Variants in NRXN2 observed in about 807,000 individuals in gnomAD.
NRXN2 encodes neurexin-2-beta.
Under a neutral mutation model 128.8 loss-of-function variants are expected in NRXN2, and 29 were observed. That is an observed-to-expected ratio of 0.23 (90% CI 0.17 to 0.31). The LOEUF (loss-of-function observed/expected upper bound fraction) is 0.31. Ranked by LOEUF, NRXN2 falls within the 10% of genes least tolerant of loss-of-function variation. NRXN2 has a pLI of 1.00. For missense variants in NRXN2, 1,881 were observed against 2,452.6 expected (o/e 0.77, Z 4.92); for synonymous variants, 1,098 against 1,075.2 (o/e 1.02, Z -0.41).
Position 64,668,476 on chromosome 11 carries a change from G to A in NRXN2, c.1326C>T (p.Pro442=), listed in dbSNP as rs199933030. ...SPNTADLPGS[P]VSNNFMGCLK... ...GGCAGCCCATGAAGTTGTTGCTGAC[G>A]GGCGAGCCCGGCAGGTCAGCTGTGT... Residue 442 remains proline, a synonymous_variant, in exon 8 of 23, where the codon CCC becomes CCT. Coordinates refer to ENST00000265459, the MANE Select transcript of NRXN2 (RefSeq NM_015080.4). The A allele has an allele frequency of 1.5e-5, 24 of 1,614,038 alleles. No homozygotes were observed. The highest frequency in any genetic ancestry group is 1.2e-4 in the Admixed American group (7 of 60,016).
chr11:64,688,620 C>T (rs953236003), intron 5 of NRXN2: 12 of 985,306 alleles, frequency 1.2e-5, no homozygotes, highest in Non-Finnish European at 1.4e-5. Context: ...GGAACTACAA[C>T]TCCCAGCAGC....
rs1357894988 is a variant in NRXN2 at position 64,661,910 on chromosome 11, G to A, written c.1799-771C>T. Among the ~76,000 whole-genome samples, 3 of 152,162 alleles carry A rather than the reference G, an allele frequency of 2.0e-5. No individual in the cohort carries two copies. The East Asian group carries it at 5.8e-4, about 29-fold the overall frequency. Reference sequence around the variant, plus strand: ...GCCTGCGGGGCAGGACAGCAGTGAGGAGAAAGGAGGTAGGCACAGAATTTT... The same window carrying A: ...GCCTGCGGGGCAGGACAGCAGTGAGAAGAAAGGAGGTAGGCACAGAATTTT... On this transcript the variant is annotated intron_variant, in intron 9 of 22. Transcript: ENST00000265459.
At chr11:64,615,967 T>C (rs2041443290) in intron 22 of NRXN2, among the ~76,000 whole-genome samples, 1 of 152,082 alleles carries the variant, frequency 6.6e-6, no homozygotes, top group South Asian at 2.1e-4. Flanking sequence ...CCAGTATGCA[T>C]GTTTCAGCAG....
In NRXN2 at chr11:64,660,257, T is replaced by C. The variant is rs534376543; in HGVS notation, c.2389+75A>G. Reference sequence around the variant, plus strand: ...CCTCTTGCTGGTGCCACCACCAGCTTCTCCAGACAGAGGCAGGTGTGGGTC... The same window carrying C: ...CCTCTTGCTGGTGCCACCACCAGCTCCTCCAGACAGAGGCAGGTGTGGGTC... On this transcript the variant is annotated intron_variant, in intron 11 of 22. Transcript: ENST00000265459. This position sits in a 1 kb window ranked among gnomAD's most constrained non-coding sequence, Gnocchi z 5.2. 1.1e-5 allele frequency: 17 copies of C among 1,535,424 alleles called. No individual in the cohort carries two copies. Among genetic ancestry groups the C allele is most frequent in the Non-Finnish European group, 1.4e-5 (16 of 1,110,540 alleles).
In NRXN2 at chr11:64,660,887, G is replaced by C. The variant is rs764691572; in HGVS notation, c.2051C>G (p.Pro684Arg). The C allele has an allele frequency of 1.2e-6, 2 of 1,613,508 alleles. No individual in the cohort carries two copies. Among genetic ancestry groups the C allele is most frequent in the Non-Finnish European group, 1.7e-6 (2 of 1,179,716 alleles). The part of the protein sequence containing the change: ...AEAQGAVGVA[P>R]FCSRETLKQC... ...CTTCAGCGTCTCCCGGGAGCAAAAG[G>C]GGGCAACGCCCACAGCCCCCTGAGC... Residue 684 changes from proline to arginine, a missense_variant, in exon 10 of 23, where the codon CCC becomes CGC. Transcript: ENST00000265459. This position sits in a 1 kb window ranked among gnomAD's most constrained non-coding sequence, Gnocchi z 5.2.
chr11:64,677,870 G>A (rs974224176), intron 6 of NRXN2, among the ~76,000 whole-genome samples: 1 of 152,212 alleles, frequency 6.6e-6, no homozygotes, highest in Non-Finnish European at 1.5e-5. Context: ...CGGGTTAATG[G>A]ATTAACCAGT....
intron 2 of NRXN2, among the ~76,000 whole-genome samples, chr11:64,703,228 C>A (rs2055756871): frequency 6.6e-6 from 1 of 152,168 alleles, no homozygotes; most frequent in South Asian, 2.1e-4. Context: ...CAGCTGCTTA[C>A]ATGGCTCCTG....
chr11:64,698,527 T>C (rs770685410), intron 2 of NRXN2, among the ~76,000 whole-genome samples: 2 of 152,226 alleles, frequency 1.3e-5, no homozygotes, highest in Non-Finnish European at 2.9e-5. Context: ...TGAGGCCTCT[T>C]CTGACTCTGA....
Position 64,690,451 on chromosome 11 carries a change from C to T in NRXN2, c.804G>A (p.Gly268=). ...SEVGSLLFSE[G]GAGRGGAGDV... is the part of the protein sequence containing the mutation. Reference sequence around the variant, plus strand: ...CGCCGGCTCCTCCTCTCCCGGCCCCCCCCTCGGAGAACAGTAAGGACCCTA... The same window carrying T: ...CGCCGGCTCCTCCTCTCCCGGCCCCTCCCTCGGAGAACAGTAAGGACCCTA... The change falls in exon 5 of 23, where the codon GGG becomes GGA. Residue 268 remains glycine (G), a synonymous_variant. Transcript: ENST00000265459. The T allele has an allele frequency of 6.2e-7, 1 of 1,613,692 alleles. No individual in the cohort carries two copies. Among genetic ancestry groups the T allele is most frequent in the Non-Finnish European group, 8.5e-7 (1 of 1,179,932 alleles).
intron 3 of NRXN2, among the ~76,000 whole-genome samples, chr11:64,693,247 G>A (rs1345923605): frequency 3.5e-5 from 5 of 142,532 alleles, no homozygotes; most frequent in Non-Finnish European, 6.1e-5. Flanking sequence ...CTTCTTGCCG[G>A]AAAAAAAAAA....
At chr11:64,643,847 AAG>A (rs1326621134) in intron 17 of NRXN2, among the ~76,000 whole-genome samples, 4 of 151,980 alleles carry the variant, frequency 2.6e-5, no homozygotes, top group Non-Finnish European at 4.4e-5. Context: ...TGAGGCTAGC[AAG>A]AGAGGCCACT....
chr11:64,657,869 G>C (rs12417133), intron 11 of NRXN2, among the ~76,000 whole-genome samples: 29 of 152,312 alleles, frequency 1.9e-4, no homozygotes, highest in Admixed American at 1.9e-3. Context: ...CTACAGATGG[G>C]GGCAGGGGCA....
At chr11:64,721,716 G>A (rs918709686) in intron 1 of NRXN2, among the ~76,000 whole-genome samples, 1 of 152,000 alleles carries the variant, frequency 6.6e-6, no homozygotes, top group African/African-American at 2.4e-5. Flanking sequence ...TCCTCCAAAA[G>A]GAACACCCAG....
rs1413584860 is a variant in NRXN2, at chr11:64,690,418, G to A, written c.837C>T (p.His279=). The stretch of plus-strand genomic sequence containing the variant: ...GGGGTCACTGACCTTTTGTTGGCTG[G>A]TGCACATCGCCGGCTCCTCCTCTCC... ...GAGRGGAGDV[H]QPTKGKEEFV... Residue 279 remains histidine, a synonymous_variant, in exon 5 of 23, where the codon CAC becomes CAT. Coordinates refer to ENST00000265459, the MANE Select transcript of NRXN2 (RefSeq NM_015080.4). 6.2e-7 allele frequency: 1 copy of A among 1,613,130 alleles called. No individual in the cohort carries two copies. The highest frequency in any genetic ancestry group is 8.5e-7 in the Non-Finnish European group (1 of 1,179,762).
At chr11:64,687,262 T>C (rs2053186044) in intron 5 of NRXN2, among the ~76,000 whole-genome samples, 1 of 152,164 alleles carries the variant, frequency 6.6e-6, no homozygotes, top group South Asian at 2.1e-4. Flanking sequence ...CTTCCCCTGG[T>C]GGAGGCAGGG....
chr11:64,697,557 G>A (rs2135604351), intron 3 of NRXN2, among the ~76,000 whole-genome samples: 1 of 152,234 alleles, frequency 6.6e-6, no homozygotes, highest in African/African-American at 2.4e-5. Flanking sequence ...GAGAGGGAAA[G>A]GAAGAAGAAA....
intron 22 of NRXN2, among the ~76,000 whole-genome samples, chr11:64,609,958 C>T (rs916458883): frequency 1.3e-5 from 2 of 152,172 alleles, no homozygotes; most frequent in East Asian, 1.9e-4. Context: ...TGCAGCCAGG[C>T]CAGCCACATT....
intron 17 of NRXN2, among the ~76,000 whole-genome samples, chr11:64,644,631 C>T (rs1156854655): frequency 6.6e-6 from 1 of 151,952 alleles, no homozygotes; most frequent in Non-Finnish European, 1.5e-5. Context: ...ATGCACCAAC[C>T]TGCTCGGACA....
chr11:64,699,269 C>T (rs1314140633), intron 2 of NRXN2, among the ~76,000 whole-genome samples: 2 of 152,138 alleles, frequency 1.3e-5, no homozygotes, highest in African/African-American at 2.4e-5. Flanking sequence ...TAAAGCCATA[C>T]AGCCAGCGAT....
Sources: allele counts gnomAD v4.1 joint callset (sites outside exome capture counted in the v4.1 genomes callset), GRCh38; gene constraint gnomAD v4.1.1; non-coding constraint Gnocchi (gnomAD v3.1); transcripts MANE v1.5; gene names NCBI Gene and HGNC (gene_info 2026-07-23, HGNC 2026-07-21).